CTDP1: variants seen among roughly 807,000 people sequenced by gnomAD.
CTDP1 encodes the protein RNA polymerase II subunit A C-terminal domain phosphatase.
Under a neutral mutation model 91.8 loss-of-function variants are expected in CTDP1, and 47 were observed. The ratio of observed to expected loss-of-function variants is 0.51; its 90% CI spans 0.41 to 0.65. CTDP1 has a LOEUF of 0.65. CTDP1 is among the 30% of genes least tolerant of loss of function. The pLI is 0.00. For missense variants in CTDP1, 1,272 were observed against 1,373.7 expected (o/e 0.93, Z 1.17); for synonymous variants, 656 against 598.5 (o/e 1.10, Z -1.40).
intron 1 of CTDP1, among the ~76,000 whole-genome samples, chr18:79,684,667 C>T (rs1199507272): frequency 1.3e-5 from 2 of 152,090 alleles, no homozygotes; most frequent in Non-Finnish European, 2.9e-5. Flanking sequence ...ATTGTTGTTA[C>T]CAGCAACATT....
intron 11 of CTDP1, among the ~76,000 whole-genome samples, chr18:79,731,261 C>T (rs937941405): frequency 3.9e-5 from 6 of 152,116 alleles, no homozygotes; most frequent in East Asian, 3.9e-4. Flanking sequence ...TGAGGGGTGT[C>T]GAGATCTCTG....
At chr18:79,710,310 C>A (rs753311092) in intron 5 of CTDP1, 36 bp from the exon 6 acceptor site, 1 of 1,535,040 alleles carries the variant, frequency 6.5e-7, no homozygotes, top group East Asian at 2.2e-5. Flanking sequence ...AAACGTGTCT[C>A]AGGTATGTAA....
At chr18:79,688,860 T>TA (rs1172195575) in intron 1 of CTDP1, among the ~76,000 whole-genome samples, 1 of 152,248 alleles carries the variant, frequency 6.6e-6, no homozygotes, top group Non-Finnish European at 1.5e-5. Context: ...TTTTGGGACA[T>TA]AATTTTTGAC....
At chr18:79,702,005 G>A (rs769217950) in intron 4 of CTDP1, among the ~76,000 whole-genome samples, 5 of 152,224 alleles carry the variant, frequency 3.3e-5, no homozygotes, top group African/African-American at 7.2e-5. Context: ...AAGATGCTGC[G>A]AATGTTGTTG....
intron 5 of CTDP1, among the ~76,000 whole-genome samples, chr18:79,705,929 T>C (rs1344793995): frequency 6.6e-6 from 1 of 152,222 alleles, no homozygotes; most frequent in Non-Finnish European, 1.5e-5. Flanking sequence ...AGACAGATGA[T>C]GTGAAGACGA....
At chr18:79,723,280 G>A (rs187156998) in intron 10 of CTDP1, among the ~76,000 whole-genome samples, 11 of 152,162 alleles carry the variant, frequency 7.2e-5, no homozygotes, top group Admixed American at 1.3e-4. Flanking sequence ...AGTGGGTCCC[G>A]TGCCTGAGTG....
intron 10 of CTDP1, among the ~76,000 whole-genome samples, chr18:79,721,981 G>A (rs904948373): frequency 6.6e-6 from 1 of 152,044 alleles, no homozygotes; most frequent in African/African-American, 2.4e-5. Context: ...GTGCCACCAC[G>A]CCTGGCTAAT....
Position 79,713,276 on chromosome 18 carries a change from GATTT to G in CTDP1, c.1030+145_1030+148del. The G allele has an allele frequency of 1.0e-6, 1 of 999,408 alleles. No individual in the cohort carries two copies. Among genetic ancestry groups the G allele is most frequent in the South Asian group, 1.5e-5 (1 of 65,706 alleles). 61.9% of individuals were successfully genotyped at this position (999,408 alleles called of 1,614,324 possible). A position where few individuals can be genotyped will look rare whatever the true frequency, so the allele number is the denominator to read the frequency against. On this transcript the variant is annotated intron_variant, in intron 7 of 12. Coordinates refer to ENST00000613122, the MANE Select transcript of CTDP1 (RefSeq NM_004715.5). The surrounding 1 kb of genome is among the most constrained non-coding windows in gnomAD (Gnocchi z 4.7). ...ATTTGTGTTTCAGTAGAGATTATTG[GATTT>G]ATTTATAGAGTACTGAAAAACAGGA...
intron 3 of CTDP1, among the ~76,000 whole-genome samples, chr18:79,697,619 C>T (rs951736715): frequency 2.4e-4 from 36 of 152,214 alleles, no homozygotes; most frequent in Admixed American, 7.2e-4. Flanking sequence ...AGTTTCCCTT[C>T]CCCCTCCGTT....
At chr18:79,698,865 C>T (rs540160881) in intron 4 of CTDP1, among the ~76,000 whole-genome samples, 1 of 152,150 alleles carries the variant, frequency 6.6e-6, no homozygotes, top group Non-Finnish European at 1.5e-5. Context: ...TGCTGAATGC[C>T]GGGGCGTGGT....
In CTDP1 at chr18:79,713,549, C is replaced by G. The variant is rs569667730; in HGVS notation, c.1030+411C>G. Reference sequence around the variant, plus strand: ...GCGCAGTGGTCAGGCTGGGCGCTGGCTGGGGCCCCAGAGAGCAGCGTGGTT... The same window carrying G: ...GCGCAGTGGTCAGGCTGGGCGCTGGGTGGGGCCCCAGAGAGCAGCGTGGTT... On this transcript the variant is annotated intron_variant, in intron 7 of 12. Transcript: ENST00000613122. The surrounding 1 kb of genome is among the most constrained non-coding windows in gnomAD (Gnocchi z 4.7). Among the ~76,000 whole-genome samples, 1 of 152,358 alleles carries G rather than the reference C, an allele frequency of 6.6e-6. No individual in the cohort carries two copies. The highest frequency in any genetic ancestry group is 2.4e-5 in the African/African-American group (1 of 41,590).
At chr18:79,701,928 G>A (rs1175467471) in intron 4 of CTDP1, among the ~76,000 whole-genome samples, 1 of 152,238 alleles carries the variant, frequency 6.6e-6, no homozygotes, top group Non-Finnish European at 1.5e-5. Context: ...AACTCGAACA[G>A]ATGAGGAGTT....
intron 10 of CTDP1, among the ~76,000 whole-genome samples, chr18:79,721,482 G>A (rs1016155660): frequency 6.6e-5 from 10 of 152,160 alleles, no homozygotes; most frequent in East Asian, 1.9e-4. Context: ...GGACAGATAC[G>A]TGCACTGAAG....
chr18:79,734,309 C>T (rs1394019151), intron 11 of CTDP1, among the ~76,000 whole-genome samples: 2 of 152,348 alleles, frequency 1.3e-5, no homozygotes, highest in Admixed American at 1.3e-4. Context: ...TTTCAGAAAG[C>T]GCAGTCACCT....
At chr18:79,735,076 T>C (rs143259070) in intron 11 of CTDP1, among the ~76,000 whole-genome samples, 1,826 of 152,204 alleles carry the variant, frequency 0.012, 40 homozygotes, top group African/African-American at 0.042. Flanking sequence ...TCGGCCTCCA[T>C]GTGGGCTCGG....
In CTDP1 at chr18:79,714,500, C is replaced by G. The variant is rs757242194; in HGVS notation, c.1040C>G (p.Ser347Cys). The change falls in exon 8 of 13, where the codon TCT becomes TGT. Residue 347 changes from serine (S) to cysteine (C), a missense_variant. Coordinates refer to ENST00000613122, the MANE Select transcript of CTDP1 (RefSeq NM_004715.5). ...TTGCATGCATATTTAGTAAATCATT[C>G]TCGAGGCACTGAGGTCTCAGAGCCA... is the stretch of plus-strand genomic sequence containing the variant. ...ESQTRKKVNH[S>C]RGTEVSEPSP... 2.5e-6 allele frequency: 4 copies of G among 1,613,008 alleles called. No individual in the cohort carries two copies. Among genetic ancestry groups the G allele is most frequent in the Non-Finnish European group, 2.5e-6 (3 of 1,180,032 alleles).
At position 79,713,196 on chromosome 18, in the gene CTDP1, C is replaced by G; in HGVS notation, c.1030+58C>G. ...ATTCACATTTGCTTATTGTTTAGCT[C>G]TTCTTATTTCTTATCTCTGTTTTGA... On this transcript the variant is annotated intron_variant, in intron 7 of 12. Transcript: ENST00000613122. The surrounding 1 kb of genome is among the most constrained non-coding windows in gnomAD (Gnocchi z 4.7). 2.0e-6 allele frequency: 3 copies of G among 1,500,450 alleles called. No individual in the cohort carries two copies. The highest frequency in any genetic ancestry group is 2.7e-6 in the Non-Finnish European group (3 of 1,096,068). 92.9% of individuals were successfully genotyped at this position (1,500,450 alleles called of 1,614,324 possible). A position where few individuals can be genotyped will look rare whatever the true frequency, so the allele number is the denominator to read the frequency against.
chr18:79,699,028 T>G (rs573797640), intron 4 of CTDP1, among the ~76,000 whole-genome samples: 2 of 152,252 alleles, frequency 1.3e-5, no homozygotes, highest in East Asian at 3.9e-4. Context: ...AACTCTCGCG[T>G]TTTATGCTGT....
intron 10 of CTDP1, among the ~76,000 whole-genome samples, chr18:79,719,724 A>G (rs1443071133): frequency 1.4e-5 from 2 of 142,284 alleles, no homozygotes; most frequent in East Asian, 4.3e-4. Flanking sequence ...CGTCCTGGTG[A>G]TGATGTCACC....
Sources: gnomAD v4.1 joint callset for allele counts (sites outside exome capture counted in the v4.1 genomes callset) on GRCh38, gnomAD v4.1.1 for gene constraint, Gnocchi (gnomAD v3.1) non-coding constraint, MANE v1.5 for transcripts, NCBI Gene and HGNC (gene_info 2026-07-23, HGNC 2026-07-21) for gene names.